Variants in ATXN1 observed in about 807,000 individuals in gnomAD.
ATXN1 encodes the protein ataxin-1.
A neutral mutation model predicts 56.4 loss-of-function variants in ATXN1; 8 were observed. The ratio of observed to expected loss-of-function variants is 0.14; its 90% CI spans 0.08 to 0.26. The LOEUF (loss-of-function observed/expected upper bound fraction) is 0.26. Ranked by LOEUF, ATXN1 falls within the 10% of genes least tolerant of loss-of-function variation. The probability of loss-of-function intolerance (pLI) is 1.00; values close to 1 mark genes in which losing one functional copy is unlikely to be tolerated. For missense variants in ATXN1, 987 were observed against 1,106.5 expected, an observed-to-expected ratio of 0.89 and a Z score of 1.53; for synonymous variants, 514 against 494.6, an observed-to-expected ratio of 1.04 and a Z score of -0.52.
At chr6:16,372,451 A>G (rs1007958887) in intron 6 of ATXN1, among the ~76,000 whole-genome samples, 1 of 152,218 alleles carries the variant, frequency 6.6e-6, no homozygotes, top group Non-Finnish European at 1.5e-5. Context: ...CTGAAATGCA[A>G]TAAGACTGCA....
intron 6 of ATXN1, among the ~76,000 whole-genome samples, chr6:16,336,227 A>G (rs1214101176): frequency 1.3e-5 from 2 of 152,200 alleles, no homozygotes; most frequent in Admixed American, 1.3e-4. Flanking sequence ...TCACTTTCTT[A>G]GTCTACCCAA....
chr6:16,325,321 T>C (rs1009746849), intron 7 of ATXN1, among the ~76,000 whole-genome samples: 4 of 152,016 alleles, frequency 2.6e-5, no homozygotes, highest in Non-Finnish European at 4.4e-5. Flanking sequence ...TTTCACCATG[T>C]TGGCCAGGCC....
intron 3 of ATXN1, among the ~76,000 whole-genome samples, chr6:16,637,737 C>G (rs1487335896): frequency 6.6e-6 from 1 of 152,144 alleles, no homozygotes; most frequent in Non-Finnish European, 1.5e-5. Context: ...TGCTAAACAC[C>G]TAAAAAACTC....
At position 16,299,833 on chromosome 6, in the gene ATXN1, C is replaced by T. The variant is rs1408082718; in HGVS notation, c.*6496G>A. On this transcript the variant is annotated 3_prime_UTR_variant, in exon 8 of 8. Transcript: ENST00000436367. ...GTTCAGGCTGGGGAGATGAGGAAAC[C>T]CCGCCAAAAAGGGCAGTATTCACAG... is the stretch of plus-strand genomic sequence containing the variant. The T allele has an allele frequency of 6.6e-6, 1 of 152,460 alleles. No homozygotes were observed. The highest frequency in any genetic ancestry group is 1.5e-5 in the Non-Finnish European group (1 of 68,014). The allele number at this position is 152,460 out of a possible 1,614,324, so 9.4% of individuals were successfully genotyped here. A position where few individuals can be genotyped will look rare whatever the true frequency, so the allele number is the denominator to read the frequency against.
chr6:16,309,604 A>G (rs1332322791), intron 7 of ATXN1, among the ~76,000 whole-genome samples: 1 of 152,242 alleles, frequency 6.6e-6, no homozygotes, highest in Non-Finnish European at 1.5e-5. Context: ...AAGAAGGATA[A>G]TAAGACAGTT....
rs913443250 is a variant in ATXN1 at position 16,421,414 on chromosome 6, G to A, written c.-161+64558C>T. On this transcript the variant is annotated intron_variant, in intron 6 of 7. Coordinates refer to ENST00000436367, the MANE Select transcript of ATXN1 (RefSeq NM_001128164.2). ...TCCCCTCCTGCCTTGGATAAATAAT[G>A]ACTAATTTTTAAATAACAGATTGGT... is the stretch of plus-strand genomic sequence containing the variant. Among the ~76,000 whole-genome samples the A allele has an allele frequency of 1.1e-4, 17 of 152,246 alleles. 1 individual carries two copies. Among genetic ancestry groups the A allele is most frequent in the African/African-American group, 4.1e-4 (17 of 41,526 alleles).
At chr6:16,390,763 G>C (rs968217193) in intron 6 of ATXN1, among the ~76,000 whole-genome samples, 7 of 151,908 alleles carry the variant, frequency 4.6e-5, no homozygotes, top group African/African-American at 1.5e-4. Flanking sequence ...ACAAGAAGCC[G>C]TAAGTGTCGG....
chr6:16,381,263 G>A (rs1224881070), intron 6 of ATXN1, among the ~76,000 whole-genome samples: 2 of 152,066 alleles, frequency 1.3e-5, no homozygotes, highest in African/African-American at 2.4e-5. Flanking sequence ...CCCAGCCTGG[G>A]TGACAGAGCA....
intron 5 of ATXN1, among the ~76,000 whole-genome samples, chr6:16,509,441 G>GC (rs1212274730): frequency 1.3e-5 from 2 of 152,164 alleles, no homozygotes; most frequent in Non-Finnish European, 2.9e-5. Context: ...TGACATTTGT[G>GC]CACTCATTCA....
chr6:16,332,366 T>C (rs191201550), intron 6 of ATXN1, among the ~76,000 whole-genome samples: 3 of 151,750 alleles, frequency 2.0e-5, no homozygotes, highest in South Asian at 2.1e-4. Flanking sequence ...AAGTAACTTA[T>C]GAAGGTGGAA....
chr6:16,410,879 C>T lies in ATXN1; in HGVS notation c.-161+75093G>A, dbSNP rs1484397718. 3.3e-5 allele frequency among the ~76,000 whole-genome samples: 5 copies of T among 152,134 alleles called. No homozygotes were observed. Among genetic ancestry groups the T allele is most frequent in the Non-Finnish European group, 7.4e-5 (5 of 68,016 alleles). On this transcript the variant is annotated intron_variant, in intron 6 of 7. Transcript: ENST00000436367. The surrounding 1 kb of genome is among the most constrained non-coding windows in gnomAD (Gnocchi z 4.6). ...GTGGCTCACGCCTGTAATCCCAGCT[C>T]TTTGGGAGGCCAATGCAGGCGGATC...
intron 6 of ATXN1, among the ~76,000 whole-genome samples, chr6:16,382,572 A>G (rs1237424082): frequency 1.3e-5 from 2 of 152,210 alleles, no homozygotes; most frequent in African/African-American, 4.8e-5. Context: ...GTGAGAGAAC[A>G]GGAATATTTA....
chr6:16,321,070 T>C (rs946225602), intron 7 of ATXN1, among the ~76,000 whole-genome samples: 2 of 152,218 alleles, frequency 1.3e-5, no homozygotes, highest in Non-Finnish European at 2.9e-5. Context: ...AAGGGAAAAC[T>C]AACATTGCAC....
chr6:16,718,066 A>G (rs1759673824), intron 2 of ATXN1, among the ~76,000 whole-genome samples: 1 of 152,274 alleles, frequency 6.6e-6, no homozygotes, highest in Non-Finnish European at 1.5e-5. Flanking sequence ...CACAGTACCA[A>G]TTAGTGACTG....
chr6:16,309,655 G>A (rs1760342689), intron 7 of ATXN1, among the ~76,000 whole-genome samples: 1 of 152,154 alleles, frequency 6.6e-6, no homozygotes, highest in African/African-American at 2.4e-5. Context: ...TAAACAAAAA[G>A]AAATCCTCAC....
intron 6 of ATXN1, among the ~76,000 whole-genome samples, chr6:16,406,174 A>C (rs1473577518): frequency 6.6e-6 from 1 of 152,080 alleles, no homozygotes; most frequent in Non-Finnish European, 1.5e-5. Context: ...ACTTTCCTTC[A>C]TTAAGTTAAA....
chr6:16,733,801 C>T (rs886382869), intron 2 of ATXN1, among the ~76,000 whole-genome samples: 2 of 152,170 alleles, frequency 1.3e-5, no homozygotes, highest in Non-Finnish European at 2.9e-5. Flanking sequence ...GAGCCAAGAT[C>T]GTGCCATTGC....
At chr6:16,368,343 C>CTTTTTT (rs10527935) in intron 6 of ATXN1, among the ~76,000 whole-genome samples, 71 of 75,870 alleles carry the variant, frequency 9.4e-4, no homozygotes, top group Middle Eastern at 0.01. Context: ...ACTTCTTCTT[C>CTTTTTT]TTTTTTTTTT....
chr6:16,739,928 AG>A (rs1418336461), intron 2 of ATXN1: 1 of 456,018 alleles, frequency 2.2e-6, no homozygotes, highest in Non-Finnish European at 4.4e-6. Context: ...CCTGTTAGAG[AG>A]AAACATTCTT....
Sources: allele counts gnomAD v4.1 joint callset (sites outside exome capture counted in the v4.1 genomes callset), GRCh38; gene constraint gnomAD v4.1.1; non-coding constraint Gnocchi (gnomAD v3.1); transcripts MANE v1.5; gene names NCBI Gene and HGNC (gene_info 2026-07-23, HGNC 2026-07-21).